CATSPERT: variants seen among roughly 807,000 people sequenced by gnomAD.
The protein encoded by CATSPERT is catsper channel auxiliary subunit tau, also known as cation channel sperm-associated targeting subunit tau.
chr2:201,517,585 G>A, the CATSPERT span, among the ~76,000 whole-genome samples: 2 of 152,206 alleles, frequency 1.3e-5, no homozygotes, highest in Non-Finnish European at 2.9e-5. Flanking sequence ...AGAAAGAGAG[G>A]ACTATATTAT....
At chr2:201,596,765 T>C in the CATSPERT span, among the ~76,000 whole-genome samples, 1 of 152,224 alleles carries the variant, frequency 6.6e-6, no homozygotes, top group Non-Finnish European at 1.5e-5. Context: ...TGCTTTTAAG[T>C]CCTTCAATGA....
At chr2:201,603,313 A>C in the CATSPERT span, 1 of 1,581,102 alleles carries the variant, frequency 6.3e-7, no homozygotes, top group Non-Finnish European at 8.6e-7. Flanking sequence ...CAGTGAATGC[A>C]TTTAAAAAGT....
At chr2:201,575,164 T>G in the CATSPERT span, 1 of 784,956 alleles carries the variant, frequency 1.3e-6, no homozygotes. Flanking sequence ...GTGACTGGTA[T>G]GGTAACTAAA....
At chr2:201,575,436 G>A in the CATSPERT span, 1 of 667,548 alleles carries the variant, frequency 1.5e-6, no homozygotes. Flanking sequence ...GCTGGTCCAT[G>A]GCCCATTAGG....
chr2:201,552,356 A>G, the CATSPERT span, among the ~76,000 whole-genome samples: 1 of 152,202 alleles, frequency 6.6e-6, no homozygotes, highest in Non-Finnish European at 1.5e-5. Context: ...TAGTGATGCT[A>G]GAAGTGCTCC....
the CATSPERT span, among the ~76,000 whole-genome samples, chr2:201,610,457 CAAAAAA>C: frequency 3.7e-5 from 5 of 134,118 alleles, no homozygotes; most frequent in African/African-American, 1.4e-4. Context: ...GACTCCGTCT[CAAAAAA>C]AAAAAAAAAA....
At chr2:201,580,339 C>A in the CATSPERT span, among the ~76,000 whole-genome samples, 5 of 152,144 alleles carry the variant, frequency 3.3e-5, no homozygotes, top group Non-Finnish European at 7.3e-5. Context: ...CGGCACCATG[C>A]AAATATCTTG....
chr2:201,542,152 T>TG, the CATSPERT span, among the ~76,000 whole-genome samples: 1 of 132,346 alleles, frequency 7.6e-6, no homozygotes, highest in African/African-American at 2.6e-5. Flanking sequence ...GTAAATGTAA[T>TG]GTTTATATGC....
At chr2:201,536,789 A>T in the CATSPERT span, among the ~76,000 whole-genome samples, 2 of 151,988 alleles carry the variant, frequency 1.3e-5, no homozygotes, top group Non-Finnish European at 2.9e-5. Flanking sequence ...AAATAAATTT[A>T]GCTTTATGAA....
At chr2:201,514,314 A>G in the CATSPERT span, among the ~76,000 whole-genome samples, 8 of 152,318 alleles carry the variant, frequency 5.3e-5, no homozygotes, top group African/African-American at 1.7e-4. Flanking sequence ...GAACCCAACA[A>G]TATATGAAAA....
chr2:201,498,760 C>G, the CATSPERT span, among the ~76,000 whole-genome samples: 1 of 152,148 alleles, frequency 6.6e-6, no homozygotes, highest in Non-Finnish European at 1.5e-5. Context: ...GTTATCACCC[C>G]TCTCTTTCTC....
At chr2:201,505,602 T>C in the CATSPERT span, among the ~76,000 whole-genome samples, 1 of 147,078 alleles carries the variant, frequency 6.8e-6, no homozygotes, top group Non-Finnish European at 1.5e-5. Context: ...CTCATCAAGA[T>C]TGTCAAAGTC....
chr2:201,606,853 C>G, the CATSPERT span, among the ~76,000 whole-genome samples: 1 of 149,504 alleles, frequency 6.7e-6, no homozygotes, highest in African/African-American at 2.5e-5. Flanking sequence ...GAGCCAAGAT[C>G]GCGCCACCGC....
At chr2:201,545,749 C>A in the CATSPERT span, 2 of 512,274 alleles carry the variant, frequency 3.9e-6, no homozygotes, top group Non-Finnish European at 6.3e-6. Flanking sequence ...CCTCCACACC[C>A]AAATTTACAG....
chr2:201,608,535 C>G, the CATSPERT span, among the ~76,000 whole-genome samples: 1 of 152,044 alleles, frequency 6.6e-6, no homozygotes, highest in African/African-American at 2.4e-5. Flanking sequence ...AAAGAAAATA[C>G]GCTGGACACA....
chr2:201,511,552 A>G, the CATSPERT span, among the ~76,000 whole-genome samples: 2 of 152,140 alleles, frequency 1.3e-5, no homozygotes. Flanking sequence ...TTTCATTGCT[A>G]AGTAAAATTA....
chr2:201,551,191 A>T, the CATSPERT span: 1 of 152,218 alleles, frequency 6.6e-6, no homozygotes, highest in African/African-American at 2.4e-5. Context: ...ATATTTTTTT[A>T]AAAATGTTTC....
At chr2:201,598,072 A>G in the CATSPERT span, among the ~76,000 whole-genome samples, 1 of 152,096 alleles carries the variant, frequency 6.6e-6, no homozygotes, top group Non-Finnish European at 1.5e-5. Flanking sequence ...GCCTGTATTA[A>G]TCATGGTTTT....
the CATSPERT span, chr2:201,492,440 A>G: frequency 1.3e-6 from 2 of 1,532,894 alleles, no homozygotes; most frequent in Non-Finnish European, 1.7e-6. Flanking sequence ...TTTTGTAGAG[A>G]TTTACTTAAA....
Sources: gnomAD v4.1 joint callset for allele counts (sites outside exome capture counted in the v4.1 genomes callset) on GRCh38, gnomAD v4.1.1 for gene constraint, MANE v1.5 for transcripts, NCBI Gene and HGNC (gene_info 2026-07-23, HGNC 2026-07-21) for gene names.